Variants in TRHDE observed in about 807,000 individuals in gnomAD.
The protein encoded by TRHDE is thyrotropin-releasing hormone-degrading ectoenzyme.
In TRHDE, 72 loss-of-function variants were observed where a neutral mutation model predicts 125.7. That is an observed-to-expected ratio of 0.57 (90% confidence interval 0.47 to 0.70). TRHDE has a LOEUF of 0.70. Among genes scored for constraint, TRHDE ranks in the 30% least tolerant of loss-of-function variants. TRHDE has a pLI of 0.00. For missense variants in TRHDE, 1,110 were observed against 1,327.1 expected, an observed-to-expected ratio of 0.84 and a Z score of 2.54; for synonymous variants, 509 against 509.1, an observed-to-expected ratio of 1.00 and a Z score of 0.00.
chr12:72,636,224 T>A (rs976392728), intron 15 of TRHDE, among the ~76,000 whole-genome samples: 148 of 152,100 alleles, frequency 9.7e-4, no homozygotes, highest in African/African-American at 3.4e-3. Context: ...TTCAGATCCC[T>A]TGTAAGTTGG....
At chr12:72,258,431 T>G (rs1408589919) in intron 2 of TRHDE, among the ~76,000 whole-genome samples, 1 of 152,174 alleles carries the variant, frequency 6.6e-6, no homozygotes, top group Non-Finnish European at 1.5e-5. Flanking sequence ...TCCATTTTAT[T>G]GATGCTGTCA....
chr12:72,182,182 T>G (rs1381300595), intron 2 of TRHDE, among the ~76,000 whole-genome samples: 1 of 152,158 alleles, frequency 6.6e-6, no homozygotes, highest in Non-Finnish European at 1.5e-5. Flanking sequence ...CTTTGGAATT[T>G]TCCCCACATT....
At chr12:72,178,763 A>G (rs1877039581) in intron 2 of TRHDE, among the ~76,000 whole-genome samples, 1 of 152,136 alleles carries the variant, frequency 6.6e-6, no homozygotes, top group Non-Finnish European at 1.5e-5. Flanking sequence ...ACTCCAGTAC[A>G]AGATATTATA....
At chr12:72,260,481 A>G (rs1206821725) in intron 2 of TRHDE, among the ~76,000 whole-genome samples, 1 of 152,146 alleles carries the variant, frequency 6.6e-6, no homozygotes, top group Non-Finnish European at 1.5e-5. Flanking sequence ...GCTCACTGGG[A>G]GCAACTGGAC....
intron 3 of TRHDE, among the ~76,000 whole-genome samples, chr12:72,454,451 G>T (rs1376121155): frequency 6.6e-6 from 1 of 152,144 alleles, no homozygotes; most frequent in Non-Finnish European, 1.5e-5. Context: ...GAAAGGCAGT[G>T]CTATTATGAC....
chr12:72,472,571 C>A (rs980412095), intron 4 of TRHDE, among the ~76,000 whole-genome samples: 1 of 152,116 alleles, frequency 6.6e-6, no homozygotes, highest in Non-Finnish European at 1.5e-5. Flanking sequence ...TGCTTACATA[C>A]CTCCTGTGAT....
chr12:72,623,411 A>G (rs985892899), intron 15 of TRHDE, among the ~76,000 whole-genome samples: 2 of 152,016 alleles, frequency 1.3e-5, no homozygotes, highest in African/African-American at 4.8e-5. Flanking sequence ...CATCACCATA[A>G]TTTCTCTAGA....
intron 2 of TRHDE, among the ~76,000 whole-genome samples, chr12:72,136,820 C>T (rs1051342228): frequency 1.3e-5 from 2 of 152,116 alleles, no homozygotes; most frequent in Non-Finnish European, 1.5e-5. Context: ...GGCATATGAC[C>T]ATGGCAAAAC....
At chr12:72,446,021 A>T (rs1171334657) in intron 3 of TRHDE, among the ~76,000 whole-genome samples, 1 of 151,858 alleles carries the variant, frequency 6.6e-6, no homozygotes, top group Non-Finnish European at 1.5e-5. Flanking sequence ...TCCTTGTCCC[A>T]GTAGACTTTT....
chr12:72,355,070 C>G (rs1309295734), intron 2 of TRHDE, among the ~76,000 whole-genome samples: 1 of 151,462 alleles, frequency 6.6e-6, no homozygotes, highest in Admixed American at 6.6e-5. Flanking sequence ...GTGGTGAATA[C>G]AACGTGGGAC....
At chr12:72,496,618 A>C (rs1267197403) in intron 5 of TRHDE, among the ~76,000 whole-genome samples, 1 of 152,216 alleles carries the variant, frequency 6.6e-6, no homozygotes, top group Non-Finnish European at 1.5e-5. Flanking sequence ...CACAGAGCCA[A>C]ACCAAATCAG....
chr12:72,180,246 G>A (rs535338477), intron 2 of TRHDE, among the ~76,000 whole-genome samples: 1 of 151,948 alleles, frequency 6.6e-6, no homozygotes, highest in Non-Finnish European at 1.5e-5. Flanking sequence ...TAGATACTTT[G>A]AGTCAAATAG....
chr12:72,102,437 A>G (rs1392545416), intron 1 of TRHDE, among the ~76,000 whole-genome samples: 1 of 152,150 alleles, frequency 6.6e-6, no homozygotes, highest in Non-Finnish European at 1.5e-5. Flanking sequence ...AAATAACTTG[A>G]TTGTCTTAGA....
At chr12:72,433,849 C>G (rs1470683935) in intron 3 of TRHDE, among the ~76,000 whole-genome samples, 1 of 151,596 alleles carries the variant, frequency 6.6e-6, no homozygotes, top group Non-Finnish European at 1.5e-5. Context: ...TCTTGTTACA[C>G]ATGCCTGGAA....
intron 12 of TRHDE, among the ~76,000 whole-genome samples, chr12:72,597,073 AT>A (rs1162743627): frequency 6.6e-6 from 1 of 152,146 alleles, no homozygotes; most frequent in Admixed American, 6.5e-5. Flanking sequence ...AACCAGTTTT[AT>A]TTTTTATGTG....
intron 3 of TRHDE, among the ~76,000 whole-genome samples, chr12:72,424,159 TC>T (rs1281049425): frequency 6.6e-6 from 1 of 152,178 alleles, no homozygotes; most frequent in Non-Finnish European, 1.5e-5. Context: ...GCATCCATGC[TC>T]TGAGACTCTG....
intron 2 of TRHDE, among the ~76,000 whole-genome samples, chr12:72,327,920 A>G (rs1869415368): frequency 6.6e-6 from 1 of 152,020 alleles, no homozygotes; most frequent in African/African-American, 2.4e-5. Context: ...TTCCTCATCA[A>G]TTTTCTTACT....
At chr12:72,621,848 T>G (rs1483736459) in intron 15 of TRHDE, 97 bp downstream of exon 15, 1 of 948,984 alleles carries the variant, frequency 1.1e-6, no homozygotes, top group Non-Finnish European at 1.6e-6. Flanking sequence ...AAAAACAAGA[T>G]AAGGAAAAAC....
chr12:72,571,974 A>AACAC (rs59206098), intron 10 of TRHDE, among the ~76,000 whole-genome samples: 14,367 of 127,368 alleles, frequency 0.11, 936 homozygotes, highest in East Asian at 0.15. Flanking sequence ...TGACTCTGCA[A>AACAC]ACACACACAC....
Sources: gnomAD v4.1 joint callset for allele counts (sites outside exome capture counted in the v4.1 genomes callset) on GRCh38, gnomAD v4.1.1 for gene constraint, MANE v1.5 for transcripts, NCBI Gene and HGNC (gene_info 2026-07-23, HGNC 2026-07-21) for gene names.